Variants in DCC observed in about 807,000 individuals in gnomAD.
DCC encodes DCC netrin 1 receptor.
In DCC, 58 loss-of-function variants were observed where a neutral mutation model predicts 172.5. The observed-to-expected ratio is 0.34, with a 90% CI of 0.27 to 0.42. The LOEUF is 0.42. Among genes scored for constraint, DCC ranks in the 10% least tolerant of loss-of-function variants. The probability of loss-of-function intolerance (pLI) is 1.00; values close to 1 mark genes in which losing one functional copy is unlikely to be tolerated. For synonymous variants in DCC, 709 were observed against 644.5 expected, an observed-to-expected ratio of 1.10 and a Z score of -1.52; for missense variants, 1,740 against 1,791.0, an observed-to-expected ratio of 0.97 and a Z score of 0.51.
intron 15 of DCC, among the ~76,000 whole-genome samples, chr18:53,344,536 A>G (rs2057700691): frequency 7.4e-6 from 1 of 135,926 alleles, no homozygotes; most frequent in East Asian, 2.3e-4. Flanking sequence ...TCTGCCTCCC[A>G]GGTTCAAGCA....
chr18:53,155,682 G>A (rs2054719624), intron 7 of DCC, among the ~76,000 whole-genome samples: 1 of 152,156 alleles, frequency 6.6e-6, no homozygotes, highest in Admixed American at 6.5e-5. Flanking sequence ...TTTCATTTCT[G>A]CTCTTAATTT....
chr18:53,394,984 A>G (rs1908824982), intron 17 of DCC, among the ~76,000 whole-genome samples: 1 of 151,762 alleles, frequency 6.6e-6, no homozygotes, highest in Non-Finnish European at 1.5e-5. Context: ...TCCACTAAAA[A>G]AATACAAAAA....
intron 1 of DCC, among the ~76,000 whole-genome samples, chr18:52,516,540 C>A (rs986661103): frequency 6.6e-5 from 10 of 152,100 alleles, no homozygotes; most frequent in African/African-American, 2.4e-4. Flanking sequence ...GTATTTCTTA[C>A]AACTGCATGT....
Position 52,956,705 on chromosome 18 carries a change from A to T in DCC, c.985+31335A>T, listed in dbSNP as rs369791671. Among the ~76,000 whole-genome samples, 16 of 152,292 alleles carry T rather than the reference A, an allele frequency of 1.1e-4. No individual in the cohort carries two copies. In the South Asian group the frequency reaches 1.2e-3, roughly 12 times the overall value. ...AGTTGGGGAGAAATTACGTCTTCAC[A>T]CAATCAGTCATATCAATGACCATGG... On this transcript the variant is annotated intron_variant, in intron 5 of 28. Coordinates refer to ENST00000442544, the MANE Select transcript of DCC (RefSeq NM_005215.4).
intron 1 of DCC, among the ~76,000 whole-genome samples, chr18:52,540,852 C>T (rs78988505): frequency 2.0e-5 from 3 of 152,026 alleles, no homozygotes; most frequent in East Asian, 1.9e-4. Flanking sequence ...GTGATCCGCC[C>T]GCCTCGGCCT....
At chr18:52,801,351 G>A (rs11665091) in intron 2 of DCC, among the ~76,000 whole-genome samples, 113,390 of 151,764 alleles carry the variant, frequency 0.75, 43,101 homozygotes, top group East Asian at 0.88. Context: ...ACGTATGGAG[G>A]ACTTAATTGT....
At chr18:53,054,598 A>G (rs1182760737) in intron 5 of DCC, among the ~76,000 whole-genome samples, 1 of 152,112 alleles carries the variant, frequency 6.6e-6, no homozygotes, top group Non-Finnish European at 1.5e-5. Flanking sequence ...CTCCACAATT[A>G]GAGAGATGGA....
intron 9 of DCC, among the ~76,000 whole-genome samples, chr18:53,196,473 G>C (rs954117377): frequency 1.3e-5 from 2 of 152,134 alleles, no homozygotes; most frequent in Admixed American, 1.3e-4. Flanking sequence ...ACCTTATCTG[G>C]AGGTCAATTC....
chr18:53,491,806 T>C (rs1026616591), intron 26 of DCC, among the ~76,000 whole-genome samples: 9 of 152,172 alleles, frequency 5.9e-5, no homozygotes, highest in Admixed American at 5.9e-4. Flanking sequence ...TGTTTCTTTA[T>C]AGTAGAATGA....
intron 12 of DCC, among the ~76,000 whole-genome samples, chr18:53,249,143 G>A (rs2056399090): frequency 6.6e-6 from 1 of 151,980 alleles, no homozygotes; most frequent in South Asian, 2.1e-4. Flanking sequence ...AACGTGTAAT[G>A]TGGATTCCCA....
rs2036412519 is a variant in DCC, at chr18:52,717,950, A to G, written c.92-34104A>G. Among the ~76,000 whole-genome samples, 5 of 151,810 alleles carry G rather than the reference A, an allele frequency of 3.3e-5. No individual in the cohort carries two copies. The South Asian group carries it at 1.0e-3, about 32-fold the overall frequency. On this transcript the variant is annotated intron_variant, in intron 1 of 28. Coordinates refer to ENST00000442544, the MANE Select transcript of DCC (RefSeq NM_005215.4). ...GTATGTCTATTTTACCTCACACACA[A>G]AAGAACAAAAAACCAAACGCCTGAA...
intron 1 of DCC, among the ~76,000 whole-genome samples, chr18:52,439,131 A>T (rs1308862516): frequency 1.3e-5 from 2 of 151,812 alleles, no homozygotes; most frequent in Non-Finnish European, 2.9e-5. Context: ...GCAGGAAAAA[A>T]GCATGGTAAA....
At chr18:52,751,624 T>A (rs553756474) in intron 1 of DCC, among the ~76,000 whole-genome samples, 12 of 152,310 alleles carry the variant, frequency 7.9e-5, no homozygotes, top group East Asian at 1.9e-4. Context: ...TTGGATTTTT[T>A]AAAAATTTCA....
intron 2 of DCC, among the ~76,000 whole-genome samples, chr18:52,830,366 C>CA (rs2038591326): frequency 6.6e-6 from 1 of 152,082 alleles, no homozygotes; most frequent in Admixed American, 6.6e-5. Flanking sequence ...CTAGTGTGTT[C>CA]CAATGAAGCC....
intron 7 of DCC, among the ~76,000 whole-genome samples, chr18:53,112,567 T>C (rs973310892): frequency 2.0e-5 from 3 of 151,540 alleles, no homozygotes; most frequent in African/African-American, 7.3e-5. Context: ...GTATGAATAA[T>C]GTAATGGATT....
intron 2 of DCC, among the ~76,000 whole-genome samples, chr18:52,834,746 A>AT (rs958555084): frequency 1.3e-5 from 2 of 152,122 alleles, no homozygotes; most frequent in African/African-American, 2.4e-5. Flanking sequence ...TAGTGACACC[A>AT]TTTTTTTAAT....
intron 2 of DCC, among the ~76,000 whole-genome samples, chr18:52,893,605 T>C (rs182673507): frequency 6.6e-6 from 1 of 152,286 alleles, no homozygotes; most frequent in East Asian, 1.9e-4. Context: ...TCAGAAAATA[T>C]GCTGGATGTG....
At chr18:52,683,277 G>A (rs28570091) in intron 1 of DCC, among the ~76,000 whole-genome samples, 15,797 of 151,980 alleles carry the variant, frequency 0.1, 1,623 homozygotes, top group African/African-American at 0.26. Context: ...CAGATATGTA[G>A]GAAAGACTTG....
chr18:53,074,234 A>G (rs1340345498), intron 7 of DCC, among the ~76,000 whole-genome samples: 1 of 152,166 alleles, frequency 6.6e-6, no homozygotes, highest in South Asian at 2.1e-4. Context: ...TTCTGTAACT[A>G]ATCTAGAAGA....
Sources: gnomAD v4.1 joint callset for allele counts (sites outside exome capture counted in the v4.1 genomes callset) on GRCh38, gnomAD v4.1.1 for gene constraint, MANE v1.5 for transcripts, NCBI Gene and HGNC (gene_info 2026-07-23, HGNC 2026-07-21) for gene names.